RTL4: variants seen among roughly 807,000 people sequenced by gnomAD.
The protein encoded by RTL4 is retrotransposon Gag like 4.
In RTL4, 4 loss-of-function variants were observed where a neutral mutation model predicts 5.3. That is an observed-to-expected ratio of 0.75 (90% CI 0.37 to 1.72). The LOEUF (loss-of-function observed/expected upper bound fraction) is 1.72. Ranked by LOEUF, RTL4 falls within the 40% of genes most tolerant of loss-of-function variation. The pLI is 0.04. For missense variants in RTL4, 260 were observed against 227.1 expected, an observed-to-expected ratio of 1.14 and a Z score of -0.93; for synonymous variants, 98 against 87.3, an observed-to-expected ratio of 1.12 and a Z score of -0.68.
the RTL4 span, among the ~76,000 whole-genome samples, chrX:112,172,071 C>T: frequency 1.5e-4 from 17 of 112,464 alleles, no homozygotes; most frequent in Admixed American, 3.8e-4. Flanking sequence ...TGGTGGCTCA[C>T]GCCTGTAATC....
the RTL4 span, among the ~76,000 whole-genome samples, chrX:112,216,728 A>G: frequency 8.9e-6 from 1 of 112,121 alleles, no homozygotes; most frequent in Non-Finnish European, 1.9e-5. Flanking sequence ...GACCTGGAAT[A>G]GAATTTTCTT....
chrX:112,161,146 C>T, the RTL4 span, among the ~76,000 whole-genome samples: 1 of 111,596 alleles, frequency 9.0e-6, no homozygotes, highest in Non-Finnish European at 1.9e-5. Flanking sequence ...CAAAACATTA[C>T]ACTGTACTTC....
At chrX:112,132,986 G>A in the RTL4 span, among the ~76,000 whole-genome samples, 1 of 112,135 alleles carries the variant, frequency 8.9e-6, no homozygotes, top group African/African-American at 3.2e-5. Context: ...TCAAAATAGA[G>A]TCTTCTTTCT....
the RTL4 span, among the ~76,000 whole-genome samples, chrX:112,352,950 T>C: frequency 2.6e-3 from 284 of 111,251 alleles, 1 homozygote; most frequent in African/African-American, 9.1e-3. Context: ...AGGGCTAATA[T>C]CCAGAATCTA....
the RTL4 span, among the ~76,000 whole-genome samples, chrX:112,396,401 G>T: frequency 9.0e-6 from 1 of 111,334 alleles, no homozygotes; most frequent in Non-Finnish European, 1.9e-5. Context: ...TCAAAATCAG[G>T]TACTGTGAGT....
chrX:112,161,881 C>CT, the RTL4 span, among the ~76,000 whole-genome samples: 176 of 20,809 alleles, frequency 8.5e-3, 1 homozygote, highest in East Asian at 0.015. Flanking sequence ...TTCCTTCTTT[C>CT]TTCTTTCTTT....
At chrX:112,144,537 C>T in the RTL4 span, among the ~76,000 whole-genome samples, 13 of 111,486 alleles carry the variant, frequency 1.2e-4, no homozygotes, top group Admixed American at 8.6e-4. Flanking sequence ...CGTAGGCTGC[C>T]TGCCTAAGAT....
chrX:112,099,261 C>CT, the RTL4 span, among the ~76,000 whole-genome samples: 1 of 111,631 alleles, frequency 9.0e-6, no homozygotes, highest in African/African-American at 3.3e-5. Context: ...AGCTCATGGC[C>CT]TATAGGAGGG....
chrX:112,176,411 C>T, the RTL4 span, among the ~76,000 whole-genome samples: 1 of 111,516 alleles, frequency 9.0e-6, no homozygotes, highest in Middle Eastern at 4.6e-3. Context: ...CTAGCTTTTC[C>T]GTGGTTTAGT....
At chrX:112,433,625 A>G in the RTL4 span, among the ~76,000 whole-genome samples, 1 of 51,272 alleles carries the variant, frequency 2.0e-5, no homozygotes, top group Non-Finnish European at 3.4e-5. Context: ...GCTTAAGGAG[A>G]TTTTGGGCTG....
the RTL4 span, among the ~76,000 whole-genome samples, chrX:112,230,817 CA>C: frequency 9.0e-6 from 1 of 111,402 alleles, no homozygotes; most frequent in Non-Finnish European, 1.9e-5. Context: ...AAAATTTTTG[CA>C]ACCTACTCAT....
the RTL4 span, among the ~76,000 whole-genome samples, chrX:112,430,889 A>G: frequency 8.0e-5 from 9 of 112,469 alleles, no homozygotes; most frequent in African/African-American, 2.9e-4. Flanking sequence ...CACCATGCCC[A>G]TATCTTTTAG....
the RTL4 span, among the ~76,000 whole-genome samples, chrX:112,363,597 G>A: frequency 9.0e-6 from 1 of 111,204 alleles, no homozygotes; most frequent in Non-Finnish European, 1.9e-5. Flanking sequence ...ATATAAGCAA[G>A]AGACAGAAGT....
the RTL4 span, among the ~76,000 whole-genome samples, chrX:112,447,620 G>A: frequency 8.9e-6 from 1 of 112,303 alleles, no homozygotes; most frequent in South Asian, 3.7e-4. Flanking sequence ...TATCTTCTGG[G>A]AGGGAGTGTT....
At chrX:112,147,313 C>T in the RTL4 span, among the ~76,000 whole-genome samples, 2 of 111,139 alleles carry the variant, frequency 1.8e-5, no homozygotes, top group African/African-American at 3.3e-5. Context: ...CTTCTCTGCC[C>T]TGTGGCTTGC....
chrX:112,125,631 C>T, the RTL4 span, among the ~76,000 whole-genome samples: 5 of 111,755 alleles, frequency 4.5e-5, no homozygotes, highest in East Asian at 2.8e-4. Context: ...GACCCCTGCC[C>T]GCCCATGGAG....
At chrX:112,283,414 CAGAG>C in the RTL4 span, among the ~76,000 whole-genome samples, 1 of 111,483 alleles carries the variant, frequency 9.0e-6, no homozygotes, top group Non-Finnish European at 1.9e-5. Context: ...CAAGAAATCT[CAGAG>C]AGAAAGACTG....
the RTL4 span, among the ~76,000 whole-genome samples, chrX:112,329,778 G>A: frequency 5.4e-5 from 6 of 110,945 alleles, no homozygotes; most frequent in Admixed American, 1.9e-4. Flanking sequence ...CTGGCAAACC[G>A]AATCCAGCAG....
At chrX:112,185,189 T>C in the RTL4 span, among the ~76,000 whole-genome samples, 1 of 109,573 alleles carries the variant, frequency 9.1e-6, no homozygotes, top group African/African-American at 3.3e-5. Context: ...TACTATCCCC[T>C]CATCAATGTT....
Sources: allele counts gnomAD v4.1 joint callset (sites outside exome capture counted in the v4.1 genomes callset), GRCh38; gene constraint gnomAD v4.1.1; transcripts MANE v1.5; gene names NCBI Gene and HGNC (gene_info 2026-07-23, HGNC 2026-07-21).